SCAF8: variants seen among roughly 807,000 people sequenced by gnomAD.
The protein encoded by SCAF8 is SR-related CTD associated factor 8, also known as SR-related and CTD-associated factor 8.
SCAF8 carries 23 observed loss-of-function variants against 140.5 expected under a neutral mutation model. The ratio of observed to expected loss-of-function variants is 0.16; its 90% CI spans 0.12 to 0.23. The LOEUF (loss-of-function observed/expected upper bound fraction) is 0.23. Among genes scored for constraint, SCAF8 ranks in the 10% least tolerant of loss-of-function variants. The pLI is 1.00. For synonymous variants in SCAF8, 575 were observed against 528.9 expected (o/e 1.09, Z -1.20); for missense variants, 1,397 against 1,555.7 (o/e 0.90, Z 1.72).
chr6:154,788,145 C>T, intron 4 of SCAF8, 123 bp downstream of exon 4: 1 of 777,742 alleles, frequency 1.3e-6, no homozygotes, highest in Non-Finnish European at 2.1e-6. Context: ...CAATGACAGA[C>T]CGCATATACA....
intron 1 of SCAF8, among the ~76,000 whole-genome samples, chr6:154,770,505 A>G (rs1453559239): frequency 4.6e-5 from 7 of 151,828 alleles, no homozygotes; most frequent in Admixed American, 6.6e-5. Context: ...TGGGAGGTCA[A>G]GGCTGCAGTG....
chr6:154,785,730 A>G (rs1258814079), intron 3 of SCAF8, among the ~76,000 whole-genome samples: 3 of 152,224 alleles, frequency 2.0e-5, no homozygotes, highest in Non-Finnish European at 2.9e-5. Context: ...CAACTTACCT[A>G]GAAGGTTCTT....
At chr6:154,800,603 A>G (rs751494796) in intron 6 of SCAF8, among the ~76,000 whole-genome samples, 1 of 151,500 alleles carries the variant, frequency 6.6e-6, no homozygotes, top group Non-Finnish European at 1.5e-5. Flanking sequence ...GGAGAAGTCT[A>G]GAGACAGAAT....
chr6:154,764,126 C>G (rs1405132964), intron 1 of SCAF8, among the ~76,000 whole-genome samples: 4 of 152,156 alleles, frequency 2.6e-5, no homozygotes, highest in Admixed American at 2.6e-4. Context: ...TAAAAATATG[C>G]ATTTGCTGTG....
At chr6:154,768,303 C>G (rs933610201) in intron 1 of SCAF8, among the ~76,000 whole-genome samples, 1 of 152,184 alleles carries the variant, frequency 6.6e-6, no homozygotes, top group Non-Finnish European at 1.5e-5. Flanking sequence ...AGTGCCACTT[C>G]CCATGGGTCT....
intron 1 of SCAF8, among the ~76,000 whole-genome samples, chr6:154,742,649 T>C (rs577205535): frequency 6.6e-6 from 1 of 152,356 alleles, no homozygotes; most frequent in East Asian, 1.9e-4. Context: ...TAAGAGTTTC[T>C]GATACAGCCA....
intron 6 of SCAF8, among the ~76,000 whole-genome samples, chr6:154,795,673 G>T (rs940633436): frequency 1.3e-5 from 2 of 152,154 alleles, no homozygotes; most frequent in Non-Finnish European, 2.9e-5. Flanking sequence ...AGAATTGCAA[G>T]TATAGAGGTC....
Position 154,829,350 on chromosome 6 carries a change from T to C in SCAF8, c.2141-1572T>C, listed in dbSNP as rs193071866. Among the ~76,000 whole-genome samples the C allele has an allele frequency of 7.9e-4, 121 of 152,216 alleles. 1 individual carries two copies. The highest frequency in any genetic ancestry group is 2.2e-3 in the African/African-American group (93 of 41,546). On this transcript the variant is annotated intron_variant, in intron 18 of 19. Transcript: ENST00000367178. ...AAGTAATGTAATGCAACAGTAAATATAGACATTTATTCATTTCCTTTTTTC... is the reference window on the plus strand; with the variant it reads ...AAGTAATGTAATGCAACAGTAAATACAGACATTTATTCATTTCCTTTTTTC...
intron 6 of SCAF8, among the ~76,000 whole-genome samples, chr6:154,796,389 C>CTCTCTCTCTCTCTGTCTG (rs376622207): frequency 0.026 from 3,614 of 140,836 alleles, 105 homozygotes; most frequent in East Asian, 0.063. Context: ...CTCTCTCTCT[C>CTCTCTCTCTCTCTGTCTG]TCTGTCTCTC....
At chr6:154,734,218 C>A (rs1035199946) in intron 1 of SCAF8, among the ~76,000 whole-genome samples, 2 of 152,156 alleles carry the variant, frequency 1.3e-5, no homozygotes, top group Non-Finnish European at 2.9e-5. Context: ...GGGCCCTCAC[C>A]CGGAGACTCC....
intron 6 of SCAF8, among the ~76,000 whole-genome samples, chr6:154,801,143 T>C (rs912878484): frequency 6.6e-6 from 1 of 151,474 alleles, no homozygotes; most frequent in African/African-American, 2.4e-5. Context: ...TTAATAGTTT[T>C]ATAGAAAATG....
chr6:154,819,550 T>C (rs1045523699), intron 14 of SCAF8, among the ~76,000 whole-genome samples: 1 of 152,070 alleles, frequency 6.6e-6, no homozygotes, highest in African/African-American at 2.4e-5. Flanking sequence ...ATGATCATGC[T>C]ACTGCACTCC....
intron 1 of SCAF8, among the ~76,000 whole-genome samples, chr6:154,742,801 T>G (rs1778604827): frequency 6.6e-6 from 1 of 152,220 alleles, no homozygotes; most frequent in African/African-American, 2.4e-5. Context: ...ATTTTGACTA[T>G]TAAGTTGATG....
chr6:154,831,682 T>A (rs1005464338), intron 19 of SCAF8, among the ~76,000 whole-genome samples: 11 of 121,594 alleles, frequency 9.0e-5, no homozygotes, highest in African/African-American at 2.9e-4. Flanking sequence ...CTAAAGCCTT[T>A]TAAACCTCCA....
intron 1 of SCAF8, among the ~76,000 whole-genome samples, chr6:154,745,472 T>G (rs1778675563): frequency 1.3e-5 from 2 of 152,038 alleles, no homozygotes; most frequent in South Asian, 4.2e-4. Flanking sequence ...CTTCTGGGCT[T>G]AAGCAGTCCT....
intron 4 of SCAF8, among the ~76,000 whole-genome samples, chr6:154,792,112 G>C (rs972849513): frequency 2.0e-5 from 3 of 152,130 alleles, no homozygotes; most frequent in Admixed American, 2.0e-4. Context: ...CTGAGGGCCA[G>C]ATTAAGTAAT....
At chr6:154,791,897 A>G (rs1777430658) in intron 4 of SCAF8, among the ~76,000 whole-genome samples, 1 of 152,128 alleles carries the variant, frequency 6.6e-6, no homozygotes, top group Non-Finnish European at 1.5e-5. Flanking sequence ...TATGAGGAAT[A>G]TAAAATTGGA....
intron 17 of SCAF8, among the ~76,000 whole-genome samples, chr6:154,826,235 C>A: frequency 6.6e-6 from 1 of 151,902 alleles, no homozygotes; most frequent in Non-Finnish European, 1.5e-5. Flanking sequence ...TTAAATATTT[C>A]AGAAGATATT....
chr6:154,773,640 G>C (rs913706969), intron 1 of SCAF8, among the ~76,000 whole-genome samples: 11 of 152,292 alleles, frequency 7.2e-5, no homozygotes, highest in Middle Eastern at 3.4e-3. Context: ...AAGTGGAATT[G>C]GCTGGGTCTT....
Sources: gnomAD v4.1 joint callset for allele counts (sites outside exome capture counted in the v4.1 genomes callset) on GRCh38, gnomAD v4.1.1 for gene constraint, MANE v1.5 for transcripts, NCBI Gene and HGNC (gene_info 2026-07-23, HGNC 2026-07-21) for gene names.